Variants in NIPSNAP3B observed in about 807,000 individuals in gnomAD.
NIPSNAP3B encodes nipsnap homolog 3B.
A neutral mutation model predicts 31.5 loss-of-function variants in NIPSNAP3B; 30 were observed. The observed-to-expected ratio is 0.95, with a 90% CI of 0.71 to 1.29. The LOEUF is 1.29. NIPSNAP3B is among the 50% of genes most tolerant of loss of function. The pLI is 0.00. For synonymous variants in NIPSNAP3B, 106 were observed against 107.9 expected, an observed-to-expected ratio of 0.98 and a Z score of 0.11; for missense variants, 269 against 300.7, an observed-to-expected ratio of 0.89 and a Z score of 0.78.
At chr9:104,786,870 G>C in the NIPSNAP3B span, 1 of 1,611,418 alleles carries the variant, frequency 6.2e-7, no homozygotes, top group Non-Finnish European at 8.5e-7. Context: ...CTTTACTACG[G>C]ACCTATGAGA....
Position 104,766,483 on chromosome 9 carries a change from G to T in NIPSNAP3B, c.219G>T (p.Trp73Cys). The change falls in exon 2 of 6, where the codon TGG (tryptophan) becomes TGT (cysteine). Residue 73 changes from tryptophan (W) to cysteine (C), a missense_variant. Trp to Cys is a radical substitution (Grantham distance 215, BLOSUM62 -2). Coordinates refer to ENST00000374762, the MANE Select transcript of NIPSNAP3B (RefSeq NM_018376.4). The part of the protein sequence containing the change: ...RTSYSELVGF[W>C]SVEFGGRTNK... Reference sequence around the variant, plus strand: ...CTTACTCTGAATTGGTTGGATTCTGGAGTGTAGAATTTGGAGGCAGAACGA... The same window carrying T: ...CTTACTCTGAATTGGTTGGATTCTGTAGTGTAGAATTTGGAGGCAGAACGA... The T allele has an allele frequency of 6.2e-7, 1 of 1,613,766 alleles. No individual in the cohort carries two copies. The highest frequency in any genetic ancestry group is 8.5e-7 in the Non-Finnish European group (1 of 1,179,750).
intron 4 of NIPSNAP3B, 156 bp downstream of exon 4, chr9:104,771,154 T>A (rs889658505): frequency 3.3e-6 from 2 of 600,518 alleles, no homozygotes; most frequent in African/African-American, 3.7e-5. Context: ...ATTTTACATC[T>A]TATTTTTTTA....
the NIPSNAP3B span, chr9:104,786,439 CCATGAGAA>C: frequency 6.7e-7 from 1 of 1,498,058 alleles, no homozygotes; most frequent in Non-Finnish European, 9.3e-7. Context: ...TTCTCTGTAA[CCATGAGAA>C]CATCACCATG....
intron 2 of NIPSNAP3B, among the ~76,000 whole-genome samples, chr9:104,767,888 TTTGCAGGAGG>T (rs112834140): frequency 7.9e-5 from 12 of 152,196 alleles, no homozygotes; most frequent in African/African-American, 2.2e-4. Context: ...TCCCTCTGTA[TTTGCAGGAGG>T]TTGCAGGAGG....
the NIPSNAP3B span, chr9:104,785,736 C>T: frequency 2.3e-5 from 34 of 1,482,680 alleles, no homozygotes; most frequent in Admixed American, 8.9e-5. Flanking sequence ...TGAAAAAGGG[C>T]GGCCCCTGGC....
intron 1 of NIPSNAP3B, 131 bp downstream of exon 1, chr9:104,764,431 C>T (rs935459718): frequency 1.1e-5 from 8 of 739,100 alleles, no homozygotes; most frequent in South Asian, 2.1e-5. Context: ...GAAGTTCTAA[C>T]GCGGTCTCTG....
chr9:104,785,338 T>C, the NIPSNAP3B span: 1 of 1,606,786 alleles, frequency 6.2e-7, no homozygotes, highest in African/African-American at 1.3e-5. Flanking sequence ...TGGGCGGGAG[T>C]GTCGGGGCAG....
chr9:104,773,763 A>G lies in NIPSNAP3B; in HGVS notation c.*690A>G, dbSNP rs1344123131. 1 of 152,204 alleles carries G rather than the reference A, an allele frequency of 6.6e-6. No homozygotes were observed. The highest frequency in any genetic ancestry group is 1.5e-5 in the Non-Finnish European group (1 of 68,020). 9.4% of individuals were successfully genotyped at this position (152,204 alleles called of 1,614,324 possible). A position where few individuals can be genotyped will look rare whatever the true frequency, so the allele number is the denominator to read the frequency against. On this transcript the variant is annotated 3_prime_UTR_variant, in exon 6 of 6. Transcript: ENST00000374762. ...TCTACTTAGTTTGGATCACTAACAG[A>G]GATCTTGGGACATTTATTTGTTTTA...
At chr9:104,766,870 A>T (rs1238158057) in intron 2 of NIPSNAP3B, among the ~76,000 whole-genome samples, 1 of 152,114 alleles carries the variant, frequency 6.6e-6, no homozygotes, top group Non-Finnish European at 1.5e-5. Context: ...GTAATTGTAA[A>T]TGTTCAAGTG....
In NIPSNAP3B at chr9:104,770,794, G is replaced by A. The variant is rs575122913; in HGVS notation, c.431-55G>A. 3.6e-5 allele frequency: 55 copies of A among 1,535,312 alleles called. No homozygotes were observed. The African/African-American group carries it at 6.3e-4, about 18-fold the overall frequency. ...CTTCTAATGAAATCAGGAAAACCTGGTTAGAAATTGTTTGAATGTCTTCTG... is the reference window on the plus strand; with the variant it reads ...CTTCTAATGAAATCAGGAAAACCTGATTAGAAATTGTTTGAATGTCTTCTG... On this transcript the variant is annotated intron_variant, in intron 3 of 5. Coordinates refer to ENST00000374762, the MANE Select transcript of NIPSNAP3B (RefSeq NM_018376.4).
At chr9:104,764,487 C>T (rs1437377381) in intron 1 of NIPSNAP3B, among the ~76,000 whole-genome samples, 187 bp downstream of exon 1, 1 of 152,206 alleles carries the variant, frequency 6.6e-6, no homozygotes, top group Non-Finnish European at 1.5e-5. Context: ...GGGGTCGTCT[C>T]GCTGGCAGTC....
the NIPSNAP3B span, chr9:104,784,584 T>C: frequency 9.1e-7 from 1 of 1,101,290 alleles, no homozygotes; most frequent in Non-Finnish European, 1.3e-6. Context: ...ATGGATTAAC[T>C]AGAAAACTGT....
rs374640782 is a variant in NIPSNAP3B, at chr9:104,772,912, A to C, written c.667+4A>C. ...GATCCCAGAGTTGTGGCGGCTGGTA[A>C]GCTGTTTCACTAAGCACGAATTATT... On this transcript the variant is annotated splice_donor_region_variant and intron_variant, in intron 5 of 5. Coordinates refer to ENST00000374762, the MANE Select transcript of NIPSNAP3B (RefSeq NM_018376.4). 6.2e-6 allele frequency: 10 copies of C among 1,613,582 alleles called. No homozygotes were observed. In the African/African-American group the frequency reaches 1.3e-4, roughly 22 times the overall value.
chr9:104,787,500 A>G, the NIPSNAP3B span, among the ~76,000 whole-genome samples: 1 of 152,190 alleles, frequency 6.6e-6, no homozygotes, highest in East Asian at 1.9e-4. Context: ...ACAGAAGAAA[A>G]AAGGTCAAGG....
intron 3 of NIPSNAP3B, among the ~76,000 whole-genome samples, chr9:104,769,724 G>A (rs1207560333): frequency 6.6e-6 from 1 of 152,076 alleles, no homozygotes; most frequent in East Asian, 1.9e-4. Flanking sequence ...AAATATAAAA[G>A]TATTTTTTCC....
downstream of NIPSNAP3B, among the ~76,000 whole-genome samples, chr9:104,780,597 T>C (rs1179395266): frequency 6.6e-6 from 1 of 152,156 alleles, no homozygotes; most frequent in East Asian, 1.9e-4. Context: ...CCCCAGCACC[T>C]TCCCAGTATA....
intron 2 of NIPSNAP3B, among the ~76,000 whole-genome samples, chr9:104,767,079 A>C (rs1020333391): frequency 1.3e-5 from 2 of 150,288 alleles, no homozygotes; most frequent in Non-Finnish European, 1.5e-5. Context: ...TTTTTTTCTT[A>C]TTATTGTTAC....
chr9:104,787,920 C>G, the NIPSNAP3B span: 25 of 1,613,904 alleles, frequency 1.5e-5, no homozygotes, highest in Non-Finnish European at 1.9e-5. Context: ...TTATACTCAC[C>G]AGAAACACCA....
chr9:104,764,490 T>C (rs889110293), intron 1 of NIPSNAP3B, among the ~76,000 whole-genome samples, 190 bp downstream of exon 1: 2 of 152,248 alleles, frequency 1.3e-5, no homozygotes, highest in Admixed American at 6.5e-5. Context: ...GTCGTCTCGC[T>C]GGCAGTCGCT....
Sources: gnomAD v4.1 joint callset for allele counts (sites outside exome capture counted in the v4.1 genomes callset) on GRCh38, gnomAD v4.1.1 for gene constraint, MANE v1.5 for transcripts, NCBI Gene and HGNC (gene_info 2026-07-23, HGNC 2026-07-21) for gene names.